TRPM3: variants seen among roughly 807,000 people sequenced by gnomAD.
TRPM3 encodes the protein long transient receptor potential channel 3.
Under a neutral mutation model 181.2 loss-of-function variants are expected in TRPM3, and 77 were observed. The observed-to-expected ratio is 0.42, with a 90% CI of 0.35 to 0.51. TRPM3 has a LOEUF of 0.51. Among genes scored for constraint, TRPM3 ranks in the 20% least tolerant of loss-of-function variants. The probability of loss-of-function intolerance (pLI) is 0.01; values close to 1 mark genes in which losing one functional copy is unlikely to be tolerated. For synonymous variants in TRPM3, 745 were observed against 796.4 expected, an observed-to-expected ratio of 0.94 and a Z score of 1.09; for missense variants, 1,759 against 2,196.7, an observed-to-expected ratio of 0.80 and a Z score of 3.98.
intron 7 of TRPM3, among the ~76,000 whole-genome samples, chr9:70,779,646 A>T (rs2082096111): frequency 6.6e-6 from 1 of 152,182 alleles, no homozygotes; most frequent in Non-Finnish European, 1.5e-5. Context: ...ACTACAGTTC[A>T]TATTGCTCAA....
At chr9:70,775,969 T>G (rs1419816605) in intron 7 of TRPM3, 1 of 153,314 alleles carries the variant, frequency 6.5e-6, no homozygotes, top group South Asian at 2.1e-4. Context: ...GTGAGAAAAC[T>G]TGAAATCTAT....
intron 1 of TRPM3, among the ~76,000 whole-genome samples, chr9:70,977,440 GA>G (rs1445954840): frequency 1.3e-5 from 2 of 152,178 alleles, no homozygotes; most frequent in African/African-American, 4.8e-5. Context: ...GGCCCAGTCT[GA>G]ACTGTTCTTT....
intron 1 of TRPM3, among the ~76,000 whole-genome samples, chr9:71,196,804 G>T (rs553639359): frequency 6.6e-6 from 1 of 152,176 alleles, no homozygotes; most frequent in Non-Finnish European, 1.5e-5. Context: ...TTTCATGAAT[G>T]CAGTTGCTGC....
At chr9:71,204,944 T>C (rs2079033708) in intron 1 of TRPM3, among the ~76,000 whole-genome samples, 2 of 152,086 alleles carry the variant, frequency 1.3e-5, no homozygotes, top group South Asian at 2.1e-4. Flanking sequence ...ACCATCATTC[T>C]CCGTAAACTA....
At position 70,610,723 on chromosome 9, in the gene TRPM3, C is replaced by G. The variant is rs117283138; in HGVS notation, c.2553G>C (p.Glu851Asp). The change falls in exon 19 of 26, where the codon GAG becomes GAC. Residue 851 changes from glutamate (E) to aspartate (D), a missense_variant. Coordinates refer to ENST00000677713, the MANE Select transcript of TRPM3 (RefSeq NM_001366145.2). ...CCTCTTCATCCTTCTTCCTGGAGGA[C>G]TCCCCGTTGTTTCGTCCCAACATTG... ...LTAMLGRNNG[E>D]SSRKKDEEEV... 10,592 of 1,614,134 alleles carry G rather than the reference C, an allele frequency of 6.6e-3. 55 individuals are homozygous for G. Among genetic ancestry groups the G allele is most frequent in the Middle Eastern group, 0.016 (95 of 6,060 alleles).
At chr9:70,696,648 G>A (rs1340641505) in intron 8 of TRPM3, among the ~76,000 whole-genome samples, 1 of 152,166 alleles carries the variant, frequency 6.6e-6, no homozygotes, top group Non-Finnish European at 1.5e-5. Flanking sequence ...GACACGCAGG[G>A]CCAATGCCAG....
chr9:70,783,927 A>G, intron 7 of TRPM3, 178 bp downstream of exon 7: 2 of 1,354,606 alleles, frequency 1.5e-6, no homozygotes, highest in Non-Finnish European at 1.9e-6. Flanking sequence ...CAGGACATTT[A>G]GAATATGTTT....
chr9:71,016,463 T>G (rs1590669513), intron 1 of TRPM3, among the ~76,000 whole-genome samples: 1 of 152,140 alleles, frequency 6.6e-6, no homozygotes, highest in Admixed American at 6.5e-5. Flanking sequence ...AACCACCATC[T>G]TACTTTCTGT....
intron 1 of TRPM3, among the ~76,000 whole-genome samples, chr9:71,377,644 GA>G (rs149004696): frequency 0.011 from 1,731 of 151,852 alleles, 34 homozygotes; most frequent in African/African-American, 0.04. Flanking sequence ...AACATATATA[GA>G]AAAAAGTATA....
intron 1 of TRPM3, among the ~76,000 whole-genome samples, chr9:71,207,166 T>C (rs1246467775): frequency 6.6e-6 from 1 of 152,176 alleles, no homozygotes. Flanking sequence ...AGCCAGTTTC[T>C]ATAAAAATTC....
At chr9:70,663,343 C>T (rs1391723871) in intron 9 of TRPM3, among the ~76,000 whole-genome samples, 1 of 152,028 alleles carries the variant, frequency 6.6e-6, no homozygotes, top group African/African-American at 2.4e-5. Flanking sequence ...CACTAAAGAA[C>T]TTATCCATGT....
chr9:71,071,653 C>T (rs1429842382), intron 1 of TRPM3, among the ~76,000 whole-genome samples: 1 of 152,172 alleles, frequency 6.6e-6, no homozygotes, highest in Non-Finnish European at 1.5e-5. Flanking sequence ...TGTCCACTGA[C>T]TTGGTAGTAG....
At position 71,078,208 on chromosome 9, in the gene TRPM3, A is replaced by C. The variant is rs142559579; in HGVS notation, c.177+42970T>G. On this transcript the variant is annotated intron_variant, in intron 1 of 25. Coordinates refer to ENST00000677713, the MANE Select transcript of TRPM3 (RefSeq NM_001366145.2). Reference sequence around the variant, plus strand: ...TCTTTAGATGATTTGTTACATAATTAAGAAACATCTTTGAAACGAAATATA... The same window carrying C: ...TCTTTAGATGATTTGTTACATAATTCAGAAACATCTTTGAAACGAAATATA... Among the ~76,000 whole-genome samples, 181 of 152,274 alleles carry C rather than the reference A, an allele frequency of 1.2e-3. 1 individual carries two copies. Among genetic ancestry groups the C allele is most frequent in the South Asian group, 4.8e-3 (23 of 4,822 alleles).
chr9:71,291,559 T>C (rs949338333), intron 1 of TRPM3, among the ~76,000 whole-genome samples: 2 of 152,042 alleles, frequency 1.3e-5, no homozygotes, highest in Non-Finnish European at 2.9e-5. Context: ...TAATCACTAC[T>C]CATCAAAATA....
At chr9:71,265,317 A>G (rs2083313931) in intron 1 of TRPM3, among the ~76,000 whole-genome samples, 1 of 152,196 alleles carries the variant, frequency 6.6e-6, no homozygotes, top group South Asian at 2.1e-4. Context: ...TACCTTTCCG[A>G]CATTAACTTA....
At chr9:71,007,876 G>A (rs1193561956) in intron 1 of TRPM3, among the ~76,000 whole-genome samples, 1 of 151,940 alleles carries the variant, frequency 6.6e-6, no homozygotes, top group Non-Finnish European at 1.5e-5. Context: ...AAGTAGAAAT[G>A]TAAGAATAAA....
intron 6 of TRPM3, among the ~76,000 whole-genome samples, chr9:70,815,176 G>T (rs938219754): frequency 6.6e-6 from 1 of 151,896 alleles, no homozygotes; most frequent in African/African-American, 2.4e-5. Context: ...CTTTTAACTT[G>T]AGAAAAGAAC....
intron 1 of TRPM3, among the ~76,000 whole-genome samples, chr9:71,196,370 A>C (rs574956813): frequency 7.2e-5 from 11 of 152,046 alleles, no homozygotes; most frequent in African/African-American, 2.7e-4. Flanking sequence ...TTTTATCATG[A>C]ATCTACTCAA....
chr9:71,386,425 G>C (rs1004355322), intron 1 of TRPM3, among the ~76,000 whole-genome samples: 1 of 151,662 alleles, frequency 6.6e-6, no homozygotes, highest in Non-Finnish European at 1.5e-5. Flanking sequence ...CTCCAGCCTG[G>C]GGACAGAGCA....
Sources: allele counts gnomAD v4.1 joint callset (sites outside exome capture counted in the v4.1 genomes callset), GRCh38; gene constraint gnomAD v4.1.1; transcripts MANE v1.5; gene names NCBI Gene and HGNC (gene_info 2026-07-23, HGNC 2026-07-21).